Variants in PLIN3 observed in about 807,000 individuals in gnomAD.
PLIN3 encodes perilipin-3.
PLIN3 carries 30 observed loss-of-function variants against 35.9 expected under a neutral mutation model. The ratio of observed to expected loss-of-function variants is 0.84; its 90% confidence interval spans 0.62 to 1.13. The LOEUF (loss-of-function observed/expected upper bound fraction) is 1.13, where lower values mean the gene tolerates loss of function less well. Ranked by LOEUF, PLIN3 falls within the 50% of genes most tolerant of loss-of-function variation. The pLI is 0.00. For synonymous variants in PLIN3, 261 were observed against 262.5 expected (o/e 0.99, Z 0.06); for missense variants, 603 against 596.9 (o/e 1.01, Z -0.11).
intron 1 of PLIN3, among the ~76,000 whole-genome samples, chr19:4,865,291 C>A (rs1310727422): frequency 2.0e-5 from 3 of 151,836 alleles, no homozygotes; most frequent in African/African-American, 7.3e-5. Context: ...GAGTTTGAGA[C>A]CAGCCTGACC....
At chr19:4,858,787 C>T (rs1427288768) in intron 4 of PLIN3, among the ~76,000 whole-genome samples, 1 of 149,666 alleles carries the variant, frequency 6.7e-6, no homozygotes, top group African/African-American at 2.5e-5. Flanking sequence ...CTGCAACCTC[C>T]GCCTCCAGGG....
At position 4,847,904 on chromosome 19, in the gene PLIN3, G is replaced by C; in HGVS notation, c.635-14C>G. 3 of 1,605,360 alleles carry C rather than the reference G, an allele frequency of 1.9e-6. No individual in the cohort carries two copies. Among genetic ancestry groups the C allele is most frequent in the Non-Finnish European group, 8.5e-7 (1 of 1,174,058 alleles). On this transcript the variant is annotated splice_polypyrimidine_tract_variant and intron_variant, in intron 5 of 7. Transcript: ENST00000221957. ...TGGCGATGCGGGCTGCAAGGAAAAG[G>C]AGAAGGGTCTCTGTGAAGACCAGAA...
chr19:4,855,182 A>G (rs917619991), intron 4 of PLIN3, among the ~76,000 whole-genome samples: 5 of 140,622 alleles, frequency 3.6e-5, no homozygotes, highest in African/African-American at 1.3e-4. Flanking sequence ...CCCAGGAGGC[A>G]GAGGTTGCAG....
chr19:4,845,083 C>G (rs1441589047), intron 6 of PLIN3, among the ~76,000 whole-genome samples: 1 of 152,140 alleles, frequency 6.6e-6, no homozygotes, highest in African/African-American at 2.4e-5. Context: ...GGACACGTGG[C>G]TGGCTTTGGC....
intron 7 of PLIN3, 55 bp downstream of exon 7, chr19:4,844,613 A>T (rs1297204773): frequency 2.0e-6 from 3 of 1,535,622 alleles, no homozygotes; most frequent in Admixed American, 4.2e-5. Flanking sequence ...AGGTGTAGAG[A>T]GTGGCATCGG....
At chr19:4,853,047 A>G (rs1473950480) in intron 4 of PLIN3, among the ~76,000 whole-genome samples, 9 of 151,776 alleles carry the variant, frequency 5.9e-5, no homozygotes, top group Non-Finnish European at 1.3e-4. Context: ...CTCCTGACCT[A>G]GTGATCCGCC....
chr19:4,859,520 T>C (rs2030592570), intron 4 of PLIN3, 70 bp downstream of exon 4: 1 of 1,315,594 alleles, frequency 7.6e-7, no homozygotes, highest in African/African-American at 1.4e-5. Context: ...CTAGTTAAGC[T>C]GGGACCAGCG....
intron 6 of PLIN3, among the ~76,000 whole-genome samples, chr19:4,845,070 C>T (rs2030042084): frequency 6.6e-6 from 1 of 152,144 alleles, no homozygotes; most frequent in African/African-American, 2.4e-5. Context: ...TGCAAGGGAG[C>T]CTGGACACGT....
intron 4 of PLIN3, among the ~76,000 whole-genome samples, chr19:4,853,469 G>A (rs972973329): frequency 2.0e-5 from 3 of 151,880 alleles, no homozygotes; most frequent in Admixed American, 6.6e-5. Context: ...GGGATTACAA[G>A]CACATGCCAC....
intron 5 of PLIN3, among the ~76,000 whole-genome samples, chr19:4,851,079 G>A (rs1056573993): frequency 1.3e-5 from 2 of 152,040 alleles, no homozygotes; most frequent in African/African-American, 2.4e-5. Context: ...TGGGAGGCTC[G>A]CCTCAACCCA....
At chr19:4,859,552 C>T in intron 4 of PLIN3, 38 bp downstream of exon 4, 1 of 1,571,446 alleles carries the variant, frequency 6.4e-7, no homozygotes, top group South Asian at 1.1e-5. Flanking sequence ...CAGGTAGGTC[C>T]CTGTCTCGAC....
In PLIN3 at chr19:4,847,813, G is replaced by A. The variant is rs146789635; in HGVS notation, c.712C>T (p.Arg238Cys). Residue 238 changes from arginine (R) to cysteine (C), a missense_variant, in exon 6 of 8, where the codon CGT becomes TGT. Physicochemically the swap from Arg to Cys is radical, Grantham distance 180. Transcript: ENST00000221957. ...QQRQEQSYFV[R>C]LGSLSERLRQ... Reference sequence around the variant, plus strand: ...AGCCTCTCCGACAGGGAGCCCAGACGTACGAAGTAGCTCTGTTCCTGCCGC... The same window carrying A: ...AGCCTCTCCGACAGGGAGCCCAGACATACGAAGTAGCTCTGTTCCTGCCGC... The A allele has an allele frequency of 1.6e-4, 259 of 1,613,808 alleles. 1 individual carries two copies. The highest frequency in any genetic ancestry group is 1.3e-3 in the Middle Eastern group (8 of 6,056).
intron 1 of PLIN3, 144 bp from the exon 2 acceptor site, chr19:4,861,555 G>A (rs1223804403): frequency 4.9e-6 from 3 of 612,572 alleles, no homozygotes; most frequent in African/African-American, 3.7e-5. Flanking sequence ...AGGCACAAGA[G>A]TGACCTCTGG....
At chr19:4,849,350 C>G (rs1473646343) in intron 5 of PLIN3, among the ~76,000 whole-genome samples, 2 of 152,114 alleles carry the variant, frequency 1.3e-5, no homozygotes, top group Admixed American at 6.6e-5. Context: ...CTCTGTTGCC[C>G]AGGCTGGAGT....
At chr19:4,843,385 G>A (rs368234337) in intron 7 of PLIN3, among the ~76,000 whole-genome samples, 2 of 151,852 alleles carry the variant, frequency 1.3e-5, no homozygotes, top group African/African-American at 4.8e-5. Context: ...GCGGGCGCCT[G>A]TAGTCCCAGA....
intron 4 of PLIN3, among the ~76,000 whole-genome samples, chr19:4,855,624 C>T (rs1014440976): frequency 3.3e-5 from 5 of 152,090 alleles, no homozygotes; most frequent in African/African-American, 1.2e-4. Flanking sequence ...GATGGAGTCT[C>T]GCTCTGTTGT....
chr19:4,866,633 C>T (rs1405063047), intron 1 of PLIN3: 1 of 152,232 alleles, frequency 6.6e-6, no homozygotes, highest in African/African-American at 2.4e-5. Flanking sequence ...ACATACCTAC[C>T]TCCCAGTGAT....
chr19:4,847,346 C>T (rs2030134633), intron 6 of PLIN3, among the ~76,000 whole-genome samples: 1 of 152,038 alleles, frequency 6.6e-6, no homozygotes, highest in South Asian at 2.1e-4. Context: ...CGCACCACCA[C>T]AGCCAGCTAA....
intron 5 of PLIN3, among the ~76,000 whole-genome samples, chr19:4,849,886 T>C (rs1336109578): frequency 4.0e-5 from 6 of 151,612 alleles, no homozygotes; most frequent in Non-Finnish European, 7.4e-5. Flanking sequence ...CTCCTGACCA[T>C]GTGATCCAGC....
Sources: gnomAD v4.1 joint callset for allele counts (sites outside exome capture counted in the v4.1 genomes callset) on GRCh38, gnomAD v4.1.1 for gene constraint, MANE v1.5 for transcripts, NCBI Gene and HGNC (gene_info 2026-07-23, HGNC 2026-07-21) for gene names.